Variants in UNC5C observed in about 807,000 individuals in gnomAD.
The protein encoded by UNC5C is unc-5 netrin receptor C.
UNC5C carries 47 observed loss-of-function variants against 99.8 expected under a neutral mutation model. The observed-to-expected ratio is 0.47, with a 90% CI of 0.37 to 0.60. UNC5C has a LOEUF of 0.60. Among genes scored for constraint, UNC5C ranks in the 20% least tolerant of loss-of-function variants. The probability of loss-of-function intolerance (pLI) is 0.00; values close to 1 mark genes in which losing one functional copy is unlikely to be tolerated. For synonymous variants in UNC5C, 487 were observed against 452.2 expected (o/e 1.08, Z -0.98); for missense variants, 1,062 against 1,165.9 (o/e 0.91, Z 1.30).
chr4:95,441,627 C>A (rs973475567), intron 1 of UNC5C, among the ~76,000 whole-genome samples: 1 of 152,026 alleles, frequency 6.6e-6, no homozygotes, highest in Non-Finnish European at 1.5e-5. Flanking sequence ...TTACACTGTT[C>A]TGTATATGAA....
intron 1 of UNC5C, among the ~76,000 whole-genome samples, chr4:95,496,428 G>A (rs1721632783): frequency 1.3e-5 from 2 of 151,596 alleles, no homozygotes; most frequent in South Asian, 2.1e-4. Flanking sequence ...TATATAGAAG[G>A]GAAAACAATT....
At chr4:95,372,540 T>C (rs1451428815) in intron 1 of UNC5C, among the ~76,000 whole-genome samples, 1 of 152,210 alleles carries the variant, frequency 6.6e-6, no homozygotes, top group African/African-American at 2.4e-5. Flanking sequence ...TTCTTCCTCT[T>C]ATTGTTATTC....
At chr4:95,261,561 C>T (rs1342342741) in intron 4 of UNC5C, among the ~76,000 whole-genome samples, 1 of 152,146 alleles carries the variant, frequency 6.6e-6, no homozygotes, top group Non-Finnish European at 1.5e-5. Flanking sequence ...TAAGGGAACA[C>T]TGCAGATAAA....
intron 14 of UNC5C, among the ~76,000 whole-genome samples, chr4:95,180,752 A>G (rs1455933681): frequency 6.6e-6 from 1 of 152,182 alleles, no homozygotes; most frequent in Non-Finnish European, 1.5e-5. Flanking sequence ...AGGGAGGGGC[A>G]GCACATTTCT....
At chr4:95,485,560 A>T (rs1206733622) in intron 1 of UNC5C, among the ~76,000 whole-genome samples, 1 of 151,828 alleles carries the variant, frequency 6.6e-6, no homozygotes, top group Admixed American at 6.6e-5. Flanking sequence ...TTAACACCAC[A>T]AATTAGTCGA....
At chr4:95,543,481 T>C (rs1216613187) in intron 1 of UNC5C, among the ~76,000 whole-genome samples, 1 of 152,218 alleles carries the variant, frequency 6.6e-6, no homozygotes, top group Non-Finnish European at 1.5e-5. Context: ...CAAATATAGT[T>C]TGAATAAATG....
At chr4:95,435,807 T>C (rs1421607285) in intron 1 of UNC5C, among the ~76,000 whole-genome samples, 1 of 152,112 alleles carries the variant, frequency 6.6e-6, no homozygotes, top group African/African-American at 2.4e-5. Context: ...TTGTAGCGTT[T>C]ATATTTCTTA....
intron 4 of UNC5C, among the ~76,000 whole-genome samples, chr4:95,251,341 A>G (rs1029028059): frequency 3.3e-5 from 5 of 152,188 alleles, no homozygotes; most frequent in African/African-American, 1.2e-4. Flanking sequence ...CTTACAAATC[A>G]TACTCAAATC....
chr4:95,320,095 T>C lies in UNC5C; in HGVS notation c.346+15315A>G, dbSNP rs563093241. ...TTAAAATGATGCTTAATCTGTTTTGTATGACAACCCCAAACTTTTAAAAAC... is the reference window on the plus strand; with the variant it reads ...TTAAAATGATGCTTAATCTGTTTTGCATGACAACCCCAAACTTTTAAAAAC... On this transcript the variant is annotated intron_variant, in intron 2 of 15. Transcript: ENST00000453304. Among the ~76,000 whole-genome samples the C allele has an allele frequency of 1.1e-4, 16 of 152,280 alleles. 1 individual carries two copies. Among genetic ancestry groups the C allele is most frequent in the African/African-American group, 3.9e-4 (16 of 41,556 alleles).
At chr4:95,286,693 G>A (rs934495330) in intron 3 of UNC5C, among the ~76,000 whole-genome samples, 5 of 152,126 alleles carry the variant, frequency 3.3e-5, no homozygotes, top group Admixed American at 1.3e-4. Flanking sequence ...ACCTACCTGG[G>A]TTGTCTTTTG....
chr4:95,424,715 A>G (rs552782817), intron 1 of UNC5C, among the ~76,000 whole-genome samples: 260 of 151,364 alleles, frequency 1.7e-3, no homozygotes, highest in Non-Finnish European at 2.9e-3. Context: ...AGTAGAGACC[A>G]GGTTTCACTG....
intron 4 of UNC5C, among the ~76,000 whole-genome samples, chr4:95,257,353 A>G (rs996727030): frequency 3.9e-5 from 6 of 152,088 alleles, no homozygotes; most frequent in African/African-American, 1.4e-4. Flanking sequence ...ATAGAGAGCT[A>G]TGAGTGCACC....
chr4:95,314,708 C>T (rs1742407180), intron 2 of UNC5C, among the ~76,000 whole-genome samples: 1 of 152,176 alleles, frequency 6.6e-6, no homozygotes, highest in Admixed American at 6.5e-5. Flanking sequence ...AGGGAGCTCT[C>T]TAGCTGCTAT....
intron 1 of UNC5C, among the ~76,000 whole-genome samples, chr4:95,360,174 A>C (rs553678026): frequency 7.2e-5 from 11 of 152,314 alleles, no homozygotes; most frequent in African/African-American, 2.6e-4. Flanking sequence ...CAATACGTTT[A>C]TACATGCTAT....
chr4:95,375,286 C>CTT (rs1744860530), intron 1 of UNC5C, among the ~76,000 whole-genome samples: 1 of 151,970 alleles, frequency 6.6e-6, no homozygotes, highest in Non-Finnish European at 1.5e-5. Context: ...CATTTTAAAA[C>CTT]TTAGGTAAAA....
At chr4:95,400,381 A>ATTT (rs1553969357) in intron 1 of UNC5C, among the ~76,000 whole-genome samples, 2 of 97,644 alleles carry the variant, frequency 2.0e-5, no homozygotes, top group African/African-American at 4.1e-5. Context: ...AGTGAGATGA[A>ATTT]TTCTTTTTTT....
intron 3 of UNC5C, among the ~76,000 whole-genome samples, chr4:95,293,020 C>G (rs1741535760): frequency 6.6e-6 from 1 of 152,016 alleles, no homozygotes; most frequent in South Asian, 2.1e-4. Flanking sequence ...TAGGATTAGG[C>G]AAGTGACAGG....
chr4:95,424,502 A>AT (rs202226117), intron 1 of UNC5C, among the ~76,000 whole-genome samples: 5,015 of 95,858 alleles, frequency 0.052, 179 homozygotes, highest in South Asian at 0.11. Flanking sequence ...GGGCTTCAGA[A>AT]TTTTTTTTTT....
At chr4:95,266,653 G>A (rs1307929257) in intron 4 of UNC5C, among the ~76,000 whole-genome samples, 1 of 152,140 alleles carries the variant, frequency 6.6e-6, no homozygotes, top group African/African-American at 2.4e-5. Context: ...AAGTTTTGTA[G>A]CAAAACAAGG....
Sources: allele counts gnomAD v4.1 joint callset (sites outside exome capture counted in the v4.1 genomes callset), GRCh38; gene constraint gnomAD v4.1.1; transcripts MANE v1.5; gene names NCBI Gene and HGNC (gene_info 2026-07-23, HGNC 2026-07-21).